DOCK3: variants seen among roughly 807,000 people sequenced by gnomAD.
The protein encoded by DOCK3 is dedicator of cytokinesis protein 3.
In DOCK3, 60 loss-of-function variants were observed where a neutral mutation model predicts 265.6. The ratio of observed to expected loss-of-function variants is 0.23; its 90% CI spans 0.18 to 0.28. DOCK3 has a LOEUF of 0.28. Ranked by LOEUF, DOCK3 falls within the 10% of genes least tolerant of loss-of-function variation. The pLI is 1.00. For missense variants in DOCK3, 1,981 were observed against 2,594.3 expected (o/e 0.76, Z 5.14); for synonymous variants, 881 against 938.0 (o/e 0.94, Z 1.11).
rs1576243493 is a variant in DOCK3, at chr3:50,725,011, AAT to A, written c.37+49712_37+49713del. ...TGTCTCAAAAAAAAAAAAAAATAAT[AAT>A]GACTAAGAATTTCCAAGTCGTGATG... On this transcript the variant is annotated intron_variant, in intron 1 of 52. Transcript: ENST00000266037. Among the ~76,000 whole-genome samples, 5 of 152,124 alleles carry A rather than the reference AAT, an allele frequency of 3.3e-5. 1 individual carries two copies. The highest frequency in any genetic ancestry group is 3.3e-4 in the Admixed American group (5 of 15,270).
At position 51,125,175 on chromosome 3, in the gene DOCK3, G is replaced by T. The variant is rs1020852623; in HGVS notation, c.747-21374G>T. Among the ~76,000 whole-genome samples, 4 of 151,950 alleles carry T rather than the reference G, an allele frequency of 2.6e-5. No homozygotes were observed. In the East Asian group the frequency reaches 7.7e-4, roughly 29 times the overall value. On this transcript the variant is annotated intron_variant, in intron 9 of 52. Transcript: ENST00000266037. ...TTTTTATATTAAGAGAGAGTAAAAAGCAATTTAACATAGTTCAGTGGACAT... is the reference window on the plus strand; with the variant it reads ...TTTTTATATTAAGAGAGAGTAAAAATCAATTTAACATAGTTCAGTGGACAT...
chr3:51,367,113 T>G (rs997819994), intron 49 of DOCK3, among the ~76,000 whole-genome samples: 29 of 152,218 alleles, frequency 1.9e-4, no homozygotes, highest in African/African-American at 6.3e-4. Context: ...ATTGTTATTG[T>G]GTGGGGGTCT....
chr3:51,141,103 TTG>T (rs2085040708), intron 9 of DOCK3, among the ~76,000 whole-genome samples: 1 of 152,088 alleles, frequency 6.6e-6, no homozygotes, highest in Non-Finnish European at 1.5e-5. Context: ...GTCCCTTTTT[TTG>T]TTGTTGCTTG....
intron 5 of DOCK3, among the ~76,000 whole-genome samples, chr3:50,996,641 A>T (rs1358618344): frequency 6.6e-6 from 1 of 151,702 alleles, no homozygotes; most frequent in Non-Finnish European, 1.5e-5. Flanking sequence ...TTTCTTACTG[A>T]TTTGATTCTT....
intron 22 of DOCK3, among the ~76,000 whole-genome samples, chr3:51,251,627 AT>A (rs2079245101): frequency 6.6e-6 from 1 of 152,170 alleles, no homozygotes; most frequent in Non-Finnish European, 1.5e-5. Context: ...ACCCGTGATG[AT>A]GAGCTTTTTT....
chr3:51,211,107 G>A (rs1373098463), intron 13 of DOCK3, among the ~76,000 whole-genome samples: 1 of 152,026 alleles, frequency 6.6e-6, no homozygotes, highest in Non-Finnish European at 1.5e-5. Flanking sequence ...CATATCTTGG[G>A]CTGACATTAA....
chr3:51,322,565 G>A (rs6773332), intron 32 of DOCK3, among the ~76,000 whole-genome samples: 132,709 of 152,152 alleles, frequency 0.87, 57,970 homozygotes, highest in East Asian at 0.94. Context: ...CTTCATAAGC[G>A]AAGGAGAAAT....
At chr3:51,087,698 C>T (rs963988415) in intron 7 of DOCK3, among the ~76,000 whole-genome samples, 7 of 152,092 alleles carry the variant, frequency 4.6e-5, no homozygotes, top group Non-Finnish European at 8.8e-5. Flanking sequence ...AATTGTTCCT[C>T]TTTGTAGATG....
intron 4 of DOCK3, among the ~76,000 whole-genome samples, chr3:50,925,591 G>A (rs2050713370): frequency 6.6e-6 from 1 of 152,040 alleles, no homozygotes; most frequent in African/African-American, 2.4e-5. Context: ...AAGCAGAATG[G>A]CCATTCAGGG....
At position 51,374,706 on chromosome 3, in the gene DOCK3, T is replaced by G. The variant is rs999674494; in HGVS notation, c.5412+119T>G. Reference sequence around the variant, plus strand: ...ATGGCTCTCTCATTCCGCTGTAAGATCCCGCAAAAGGCCGCTGGGCTTCTG... The same window carrying G: ...ATGGCTCTCTCATTCCGCTGTAAGAGCCCGCAAAAGGCCGCTGGGCTTCTG... On this transcript the variant is annotated intron_variant, in intron 50 of 52. Coordinates refer to ENST00000266037, the MANE Select transcript of DOCK3 (RefSeq NM_004947.5). This position sits in a 1 kb window ranked among gnomAD's most constrained non-coding sequence, Gnocchi z 4.8. 34 of 1,033,722 alleles carry G rather than the reference T, an allele frequency of 3.3e-5. No homozygotes were observed. Among genetic ancestry groups the G allele is most frequent in the African/African-American group, 4.8e-5 (3 of 62,774 alleles). The allele number at this position is 1,033,722 out of a possible 1,614,324, so 64.0% of individuals were successfully genotyped here. A position where few individuals can be genotyped will look rare whatever the true frequency, so the allele number is the denominator to read the frequency against.
intron 10 of DOCK3, among the ~76,000 whole-genome samples, chr3:51,147,839 C>T (rs1288885051): frequency 6.6e-6 from 1 of 152,130 alleles, no homozygotes; most frequent in Non-Finnish European, 1.5e-5. Context: ...GATTTATAAT[C>T]CTTTGGGTAT....
intron 37 of DOCK3, among the ~76,000 whole-genome samples, chr3:51,339,711 C>G (rs959632979): frequency 6.6e-6 from 1 of 152,216 alleles, no homozygotes; most frequent in Non-Finnish European, 1.5e-5. Flanking sequence ...TACGTGCATG[C>G]ATGTGTGTCC....
At chr3:50,750,558 G>C (rs1352219862) in intron 1 of DOCK3, among the ~76,000 whole-genome samples, 1 of 152,098 alleles carries the variant, frequency 6.6e-6, no homozygotes, top group Non-Finnish European at 1.5e-5. Flanking sequence ...TCGATCTCTT[G>C]ACCTCATGAT....
intron 29 of DOCK3, 77 bp downstream of exon 29, chr3:51,312,156 C>A: frequency 7.6e-7 from 1 of 1,316,558 alleles, no homozygotes; most frequent in Non-Finnish European, 1.1e-6. Context: ...TTGTTTTTTG[C>A]TTTATTAATA....
At chr3:51,177,416 G>A (rs907717958) in intron 12 of DOCK3, among the ~76,000 whole-genome samples, 8 of 152,072 alleles carry the variant, frequency 5.3e-5, no homozygotes, top group South Asian at 2.1e-4. Context: ...ATCAAAAATA[G>A]CATTAGTATT....
At position 51,356,273 on chromosome 3, in the gene DOCK3, A is replaced by G. The variant is rs2086354183; in HGVS notation, c.4416+18A>G. 1 of 1,435,846 alleles carries G rather than the reference A, an allele frequency of 7.0e-7. No individual in the cohort carries two copies. The highest frequency in any genetic ancestry group is 9.1e-7 in the Non-Finnish European group (1 of 1,093,634). The allele number at this position is 1,435,846 out of a possible 1,614,324, so 88.9% of individuals were successfully genotyped here. The stretch of plus-strand genomic sequence containing the variant: ...AATTCAAGGTGAACAAATCTAGGAA[A>G]ACGGGCAGTACACACAGCAAGTCCA... On this transcript the variant is annotated intron_variant, in intron 42 of 52. Transcript: ENST00000266037.
chr3:51,013,921 A>G (rs2079049478), intron 5 of DOCK3, among the ~76,000 whole-genome samples: 1 of 152,090 alleles, frequency 6.6e-6, no homozygotes, highest in Non-Finnish European at 1.5e-5. Context: ...TAGCAGTTCG[A>G]TCTGGGATTA....
At chr3:51,018,802 T>A (rs2079466189) in intron 5 of DOCK3, among the ~76,000 whole-genome samples, 1 of 151,994 alleles carries the variant, frequency 6.6e-6, no homozygotes, top group Non-Finnish European at 1.5e-5. Flanking sequence ...TGAATGCTCA[T>A]CCTGTATCTT....
chr3:50,718,481 A>G (rs1265491121), intron 1 of DOCK3, among the ~76,000 whole-genome samples: 1 of 151,634 alleles, frequency 6.6e-6, no homozygotes, highest in African/African-American at 2.4e-5. Context: ...ATGACTTTAA[A>G]CCCCTTTCAT....
Sources: gnomAD v4.1 joint callset for allele counts (sites outside exome capture counted in the v4.1 genomes callset) on GRCh38, gnomAD v4.1.1 for gene constraint, Gnocchi (gnomAD v3.1) non-coding constraint, MANE v1.5 for transcripts, NCBI Gene and HGNC (gene_info 2026-07-23, HGNC 2026-07-21) for gene names.